Variants in WNK4 observed in about 807,000 individuals in gnomAD.
WNK4 encodes the protein serine/threonine-protein kinase WNK4.
In WNK4, 94 loss-of-function variants were observed where a neutral mutation model predicts 116.2. That is an observed-to-expected ratio of 0.81 (90% CI 0.68 to 0.96). The LOEUF is 0.96. Ranked by LOEUF, WNK4 falls within the 40% of genes least tolerant of loss-of-function variation. The probability of loss-of-function intolerance (pLI) is 0.00; values close to 1 mark genes in which losing one functional copy is unlikely to be tolerated. For synonymous variants in WNK4, 655 were observed against 672.7 expected (o/e 0.97, Z 0.41); for missense variants, 1,542 against 1,650.6 (o/e 0.93, Z 1.14).
chr17:42,785,455 C>G lies in WNK4; in HGVS notation c.1449C>G (p.Asp483Glu), dbSNP rs753831449. 1 of 1,553,982 alleles carries G rather than the reference C, an allele frequency of 6.4e-7. No individual in the cohort carries two copies. Among genetic ancestry groups the G allele is most frequent in the South Asian group, 1.2e-5 (1 of 84,370 alleles). ...AIEFLFQLGR[D>E]AAEEVAQEMV... ...AGTTCCTGTTCCAGCTGGGCCGGGA[C>G]GCGGCCGAGGAGGTGGCACAGGAGA... The change falls in exon 6 of 19, where the codon GAC becomes GAG. Residue 483 changes from aspartate to glutamate, a missense_variant. This residue lies in a region of WNK4 where 808 missense variants were observed against 873.6 expected (regional missense o/e 0.92). Transcript: ENST00000246914.
rs61755624 is a variant in WNK4 at position 42,794,813 on chromosome 17, A to T, written c.2392A>T (p.Thr798Ser). The change falls in exon 14 of 19, where the codon ACA becomes TCA. Residue 798 changes from threonine (T) to serine (S), a missense_variant. Physicochemically the swap from Thr to Ser is moderately conservative, Grantham distance 58. Transcript: ENST00000246914. Reference protein sequence around the residue: ...SSTSLEHRSWTAFSTSSSSPG... With the variant: ...SSTSLEHRSWSAFSTSSSSPG... ...CACCTCCCTGGAGCACAGGAGCTGG[A>T]CAGCCTTCTCCACCTCCTCATCTTC... 1.2e-6 allele frequency: 2 copies of T among 1,613,808 alleles called. No individual in the cohort carries two copies. The highest frequency in any genetic ancestry group is 1.7e-5 in the Admixed American group (1 of 59,968).
In WNK4 at chr17:42,796,158, A is replaced by C. The variant is rs1302203674; in HGVS notation, c.3467A>C (p.Gln1156Pro). 19 of 1,614,164 alleles carry C rather than the reference A, an allele frequency of 1.2e-5. No homozygotes were observed. Among genetic ancestry groups the C allele is most frequent in the Non-Finnish European group, 1.6e-5 (19 of 1,180,032 alleles). ...GAGGTGGAAACACTACAGACACTAC[A>C]GAAAAAAGAAATTGAAGATTTGTAC... is the stretch of plus-strand genomic sequence containing the variant. ...LSEVETLQTL[Q>P]KKEIEDLYSR... The change falls in exon 17 of 19, where the codon CAG (glutamine) becomes CCG (proline). Residue 1156 changes from glutamine (Q) to proline (P), a missense_variant. Physicochemically the swap from Gln to Pro is moderately conservative, Grantham distance 76. Transcript: ENST00000246914.
Position 42,787,332 on chromosome 17 carries a change from C to T in WNK4, c.1531C>T (p.Arg511Cys), listed in dbSNP as rs146216767. 142 of 1,614,010 alleles carry T rather than the reference C, an allele frequency of 8.8e-5. No individual in the cohort carries two copies. Among genetic ancestry groups the T allele is most frequent in the Admixed American group, 2.3e-4 (14 of 59,990 alleles). ...ADYQPVARAVRERVAAIQRKR... is the reference protein window; with the variant it reads ...ADYQPVARAVCERVAAIQRKR... ...TTACCAGCCAGTGGCCCGTGCAGTA[C>T]GTGAACGGGTTGCTGCCATCCAGCG... Residue 511 changes from arginine (R) to cysteine (C), a missense_variant, in exon 7 of 19, where the codon CGT becomes TGT. Coordinates refer to ENST00000246914, the MANE Select transcript of WNK4 (RefSeq NM_032387.5).
In WNK4 at chr17:42,785,122, A is replaced by C. The variant is rs770965962; in HGVS notation, c.1196A>C (p.Lys399Thr). ...TSGRKPNSFH[K>T]VKIPEVKEII... ...GGCAGAAAGCCGAACAGCTTCCACA[A>C]GGTGAAGATACCCGAGGTGAAGGAG... The change falls in exon 5 of 19, where the codon AAG becomes ACG. Residue 399 changes from lysine (K) to threonine (T), a missense_variant. Coordinates refer to ENST00000246914, the MANE Select transcript of WNK4 (RefSeq NM_032387.5). 1 of 1,613,822 alleles carries C rather than the reference A, an allele frequency of 6.2e-7. No homozygotes were observed. The highest frequency in any genetic ancestry group is 1.7e-5 in the Admixed American group (1 of 59,972).
rs2054489044 is a variant in WNK4, at chr17:42,782,054, T to G, written c.619-704T>G. Among the ~76,000 whole-genome samples the G allele has an allele frequency of 6.6e-6, 1 of 152,118 alleles. No individual in the cohort carries two copies. On this transcript the variant is annotated intron_variant, in intron 1 of 18. Transcript: ENST00000246914. The surrounding 1 kb of genome is among the most constrained non-coding windows in gnomAD (Gnocchi z 4.2). ...ATGGGTTAGGAGAACCCAGTCAACT[T>G]GGGGCCTGAAGCTTCCGATTCAGAT...
rs9896991 is a variant in WNK4 at position 42,788,396 on chromosome 17, C to T, written c.2029C>T (p.Arg677Trp). The change falls in exon 10 of 19, where the codon CGG (arginine) becomes TGG (tryptophan). Residue 677 changes from arginine (R) to tryptophan (W), a missense_variant. Coordinates refer to ENST00000246914, the MANE Select transcript of WNK4 (RefSeq NM_032387.5). Reference protein sequence around the residue: ...NLRRRPRSRLRVTSVSDQNDR... With the variant: ...NLRRRPRSRLWVTSVSDQNDR... ...CCGGCGCAGACCCCGATCCCGGCTG[C>T]GGGTCACTAGTGTAAGGATGGAGTA... 2,926 of 1,612,560 alleles carry T rather than the reference C, an allele frequency of 1.8e-3. 54 individuals carry two copies. The African/African-American group carries it at 0.034, about 19-fold the overall frequency.
In WNK4 at chr17:42,793,679, AAG is replaced by A; in HGVS notation, c.2251_2252del (p.Asp751HisfsTer8). 1.2e-6 allele frequency: 2 copies of A among 1,614,002 alleles called. No individual in the cohort carries two copies. Among genetic ancestry groups the A allele is most frequent in the South Asian group, 2.2e-5 (2 of 91,082 alleles). On this transcript the variant is annotated frameshift_variant, in exon 12 of 19. Transcript: ENST00000246914. LOFTEE classifies it high-confidence loss of function. The part of the protein sequence containing the change: ...EIIQRVETLL[K>X]RDTGPMEAAE... ...TATCCAGCGAGTGGAGACCCTGTTG[AAG>A]AGAGACACTGGCCCCATGGAGGCTG...
At position 42,784,199 on chromosome 17, in the gene WNK4, C is replaced by A. The variant is rs1321488813; in HGVS notation, c.1012+42C>A. On this transcript the variant is annotated intron_variant, in intron 3 of 18. Transcript: ENST00000246914. The surrounding 1 kb of genome is among the most constrained non-coding windows in gnomAD (Gnocchi z 4.4). ...GGGTCCATGCCATTCCTTCCTCCCC[C>A]ACCTCAGAAGAGAACCTGGGGACTC... The A allele has an allele frequency of 6.2e-7, 1 of 1,601,080 alleles. No individual in the cohort carries two copies. Among genetic ancestry groups the A allele is most frequent in the East Asian group, 2.2e-5 (1 of 44,880 alleles).
chr17:42,796,694 G>A lies in WNK4; in HGVS notation c.*6G>A, dbSNP rs61755635. The A allele has an allele frequency of 1.9e-3, 3,119 of 1,614,184 alleles. 78 individuals are homozygous for A. In the African/African-American group the frequency reaches 0.036, roughly 19 times the overall value. ...TTTTCTTTTCCCTCCAGTGAATTCA[G>A]AACAGAAGCCATGTATCTCCCCCAC... On this transcript the variant is annotated 3_prime_UTR_variant, in exon 19 of 19. Transcript: ENST00000246914.
chr17:42,784,157 G>A lies in WNK4; in HGVS notation c.1012G>A (p.Gly338Arg), dbSNP rs373585658. 1.2e-6 allele frequency: 2 copies of A among 1,604,986 alleles called. No homozygotes were observed. Among genetic ancestry groups the A allele is most frequent in the Middle Eastern group, 1.6e-4 (1 of 6,084 alleles). The change falls in exon 3 of 19, where the codon GGG becomes AGG. Residue 338 changes from glycine (G) to arginine (R), a missense_variant and splice_region_variant. By Grantham distance (125) the Gly-to-Arg change is moderately radical. Around this residue, in one of 7 missense-constraint regions of WNK4, gnomAD observed 808 missense variants for 873.6 expected, o/e 0.92. Coordinates refer to ENST00000246914, the MANE Select transcript of WNK4 (RefSeq NM_032387.5). This position sits in a 1 kb window ranked among gnomAD's most constrained non-coding sequence, Gnocchi z 4.4. ...CGCCTCCTTTGCCAAGAGTGTCATC[G>A]GTGCGTCTCTCCAGGAGGGTCCATG... ...KRASFAKSVIGTPEFMAPEMY... is the reference protein window; with the variant it reads ...KRASFAKSVIRTPEFMAPEMY...
intron 11 of WNK4, among the ~76,000 whole-genome samples, chr17:42,789,612 C>T (rs553638933): frequency 8.7e-5 from 13 of 149,564 alleles, no homozygotes; most frequent in African/African-American, 2.0e-4. Flanking sequence ...TGCAGTGAGC[C>T]GAGATCACAC....
Position 42,793,742 on chromosome 17 carries a change from G to T in WNK4, c.2295+13G>T. On this transcript the variant is annotated intron_variant, in intron 12 of 18. Transcript: ENST00000246914. Reference sequence around the variant, plus strand: ...CCTAAGCCCCCAGGTCAGACCCCTTGGTGGACACTTCCAGGGGAAATGGAC... The same window carrying T: ...CCTAAGCCCCCAGGTCAGACCCCTTTGTGGACACTTCCAGGGGAAATGGAC... The T allele has an allele frequency of 6.2e-7, 1 of 1,613,852 alleles. No individual in the cohort carries two copies. Among genetic ancestry groups the T allele is most frequent in the Admixed American group, 1.7e-5 (1 of 60,004 alleles).
Position 42,796,337 on chromosome 17 carries a change from A to C in WNK4, c.3631+15A>C, listed in dbSNP as rs780008899. The C allele has an allele frequency of 6.2e-7, 1 of 1,610,328 alleles. No individual in the cohort carries two copies. Among genetic ancestry groups the C allele is most frequent in the Admixed American group, 1.7e-5 (1 of 59,238 alleles). ...CCCAGGCCCTGGTGAGACTGCAGTC[A>C]CCCAGCTTCCATCTTTTCCCTGAGA... On this transcript the variant is annotated intron_variant, in intron 17 of 18. Coordinates refer to ENST00000246914, the MANE Select transcript of WNK4 (RefSeq NM_032387.5).
In WNK4 at chr17:42,796,170, T is replaced by C. The variant is rs747683477; in HGVS notation, c.3479T>C (p.Ile1160Thr). The C allele has an allele frequency of 7.2e-5, 116 of 1,613,840 alleles. 1 individual carries two copies. The Admixed American group carries it at 8.0e-4, about 11-fold the overall frequency. The change falls in exon 17 of 19, where the codon ATT (isoleucine) becomes ACT (threonine). Residue 1160 changes from isoleucine to threonine, a missense_variant. Transcript: ENST00000246914. ...ETLQTLQKKE[I>T]EDLYSRLGKQ... ...CTACAGACACTACAGAAAAAAGAAA[T>C]TGAAGATTTGTACAGCCGGCTGGGG... is the stretch of plus-strand genomic sequence containing the variant.
chr17:42,781,405 A>G (rs1025282512), intron 1 of WNK4, 89 bp downstream of exon 1: 23 of 1,559,614 alleles, frequency 1.5e-5, no homozygotes, highest in Non-Finnish European at 2.0e-5. Flanking sequence ...GACAGCATCA[A>G]GGGAAGCATG....
In WNK4 at chr17:42,796,188, G is replaced by A. The variant is rs776495842; in HGVS notation, c.3497G>A (p.Arg1166Gln). ...QKKEIEDLYS[R>Q]LGKQPPPGIV... Reference sequence around the variant, plus strand: ...AAAGAAATTGAAGATTTGTACAGCCGGCTGGGGAAGCAGCCCCCACCGGGT... The same window carrying A: ...AAAGAAATTGAAGATTTGTACAGCCAGCTGGGGAAGCAGCCCCCACCGGGT... The change falls in exon 17 of 19, where the codon CGG becomes CAG. Residue 1166 changes from arginine to glutamine, a missense_variant. Physicochemically the swap from Arg to Gln is conservative, Grantham distance 43. This residue lies in a region of WNK4 where 148 missense variants were observed against 157.2 expected (regional missense o/e 0.94). Transcript: ENST00000246914. 12 of 1,614,014 alleles carry A rather than the reference G, an allele frequency of 7.4e-6. No homozygotes were observed. In the East Asian group the frequency reaches 1.1e-4, roughly 15 times the overall value.
chr17:42,793,735 A>T lies in WNK4; in HGVS notation c.2295+6A>T, dbSNP rs1171689520. 6.2e-7 allele frequency: 1 copy of T among 1,613,682 alleles called. No individual in the cohort carries two copies. The highest frequency in any genetic ancestry group is 1.1e-5 in the South Asian group (1 of 91,052). ...AAGACACCCTAAGCCCCCAGGTCAG[A>T]CCCCTTGGTGGACACTTCCAGGGGA... is the stretch of plus-strand genomic sequence containing the variant. On this transcript the variant is annotated splice_donor_region_variant and intron_variant, in intron 12 of 18. Coordinates refer to ENST00000246914, the MANE Select transcript of WNK4 (RefSeq NM_032387.5).
rs373908958 is a variant in WNK4 at position 42,788,120 on chromosome 17, C to G, written c.1864-10C>G. ...TTCCCCTGACCTCATGAACCCTTAT[C>G]CTGTTTCAGGCTTTTGCCCTATCCA... On this transcript the variant is annotated splice_polypyrimidine_tract_variant and intron_variant, in intron 8 of 18. Transcript: ENST00000246914. The G allele has an allele frequency of 1.9e-6, 3 of 1,614,074 alleles. No homozygotes were observed. Among genetic ancestry groups the G allele is most frequent in the Non-Finnish European group, 2.5e-6 (3 of 1,180,024 alleles).
chr17:42,795,159 C>T lies in WNK4; in HGVS notation c.2738C>T (p.Ser913Phe), dbSNP rs368043109. 4 of 1,614,098 alleles carry T rather than the reference C, an allele frequency of 2.5e-6. No homozygotes were observed. Among genetic ancestry groups the T allele is most frequent in the Admixed American group, 3.3e-5 (2 of 60,010 alleles). ...TTCTTTCCTCCGTGCCCCTCCACTT[C>T]TTCCTTCCCCTCCACCACAGCAGCC... ...SPFFPPCPST[S>F]SFPSTTAAPL... The change falls in exon 14 of 19, where the codon TCT (serine) becomes TTT (phenylalanine). Residue 913 changes from serine (S) to phenylalanine (F), a missense_variant. By Grantham distance (155) the Ser-to-Phe change is radical. This residue lies in a region of WNK4 where 292 missense variants were observed against 290.1 expected (regional missense o/e 1.01). Transcript: ENST00000246914.
Sources: gnomAD v4.1 joint callset for allele counts (sites outside exome capture counted in the v4.1 genomes callset) on GRCh38, gnomAD v4.1.1 for gene constraint, gnomAD v4.1.1 regional missense constraint, Gnocchi (gnomAD v3.1) non-coding constraint, MANE v1.5 for transcripts, NCBI Gene and HGNC (gene_info 2026-07-23, HGNC 2026-07-21) for gene names.